The following EXOC1L variants were observed in gnomAD, a reference collection of about 807,000 sequenced individuals.
EXOC1L encodes the protein exocyst complex component 1 like.
A neutral mutation model predicts 4.9 loss-of-function variants in EXOC1L; 10 were observed. The observed-to-expected ratio is 2.02, with a 90% CI of 1.25 to 3.43. The LOEUF (loss-of-function observed/expected upper bound fraction) is 3.43, where lower values mean the gene tolerates loss of function less well. Among genes scored for constraint, EXOC1L ranks in the 30% most tolerant of loss-of-function variants. The pLI, the probability that EXOC1L is intolerant of heterozygous loss-of-function variation, is 0.00. For synonymous variants in EXOC1L, 41 were observed against 20.8 expected (o/e 1.97, Z -2.63); for missense variants, 114 against 59.4 (o/e 1.92, Z -3.02).
At chr4:55,834,789 T>C (rs921000957) in intron 2 of EXOC1L, among the ~76,000 whole-genome samples, 1 of 151,982 alleles carries the variant, frequency 6.6e-6, no homozygotes, top group Non-Finnish European at 1.5e-5. Flanking sequence ...TTTATACATT[T>C]TTTAAGTATG....
intron 1 of EXOC1L, among the ~76,000 whole-genome samples, chr4:55,826,262 A>C (rs1473496505): frequency 6.6e-6 from 1 of 152,144 alleles, no homozygotes; most frequent in Non-Finnish European, 1.5e-5. Flanking sequence ...AAATGATGAA[A>C]ACAATTGTAA....
intron 2 of EXOC1L, among the ~76,000 whole-genome samples, chr4:55,835,926 C>T (rs2110286687): frequency 6.6e-6 from 1 of 151,880 alleles, no homozygotes; most frequent in Admixed American, 6.6e-5. Context: ...TATTAAGCTC[C>T]ACGCTCGTTT....
chr4:55,823,351 G>T (rs537110791), intron 1 of EXOC1L, among the ~76,000 whole-genome samples: 6 of 152,238 alleles, frequency 3.9e-5, no homozygotes, highest in African/African-American at 1.4e-4. Context: ...TGCTACATTT[G>T]TGAATTCCCA....
At chr4:55,834,080 A>T (rs1019387396) in intron 2 of EXOC1L, among the ~76,000 whole-genome samples, 7 of 151,926 alleles carry the variant, frequency 4.6e-5, no homozygotes, top group African/African-American at 1.4e-4. Flanking sequence ...ACATGATTGC[A>T]TTTAATTTAC....
intron 1 of EXOC1L, among the ~76,000 whole-genome samples, chr4:55,831,003 G>T (rs796278886): frequency 6.6e-6 from 1 of 152,262 alleles, no homozygotes; most frequent in African/African-American, 2.4e-5. Flanking sequence ...GTATGCTAAG[G>T]CTAAGCCTCT....
chr4:55,830,494 G>A (rs1337018711), intron 1 of EXOC1L, among the ~76,000 whole-genome samples: 3 of 152,124 alleles, frequency 2.0e-5, no homozygotes, highest in African/African-American at 4.8e-5. Context: ...TATCATGCAA[G>A]TAGCAAATAC....
intron 1 of EXOC1L, among the ~76,000 whole-genome samples, chr4:55,827,928 C>T (rs1719925937): frequency 1.3e-5 from 2 of 152,286 alleles, no homozygotes; most frequent in Admixed American, 1.3e-4. Flanking sequence ...ACATCTACAC[C>T]AGTGGAGACG....
chr4:55,821,272 AG>A (rs1719729495), intron 1 of EXOC1L, among the ~76,000 whole-genome samples: 1 of 152,174 alleles, frequency 6.6e-6, no homozygotes, highest in South Asian at 2.1e-4. Context: ...ATGACTACAA[AG>A]TATAGAGGGT....
chr4:55,825,819 A>T (rs1244739835), intron 1 of EXOC1L, among the ~76,000 whole-genome samples: 3 of 152,096 alleles, frequency 2.0e-5, no homozygotes, highest in Admixed American at 2.0e-4. Flanking sequence ...GGTGGCTCAC[A>T]CTTCTAATCC....
chr4:55,836,984 C>G (rs1428316205), intron 2 of EXOC1L, 101 bp from the exon 3 acceptor site: 7 of 514,426 alleles, frequency 1.4e-5, no homozygotes, highest in Non-Finnish European at 2.4e-5. Context: ...GATACTGATA[C>G]TTTACAATCA....
At chr4:55,830,182 C>G (rs1297677239) in intron 1 of EXOC1L, among the ~76,000 whole-genome samples, 2 of 152,150 alleles carry the variant, frequency 1.3e-5, no homozygotes, top group Non-Finnish European at 2.9e-5. Flanking sequence ...TTATCTTTCA[C>G]TATGATTATA....
intron 1 of EXOC1L, among the ~76,000 whole-genome samples, chr4:55,829,087 C>T (rs1383714100): frequency 6.6e-6 from 1 of 152,164 alleles, no homozygotes; most frequent in African/African-American, 2.4e-5. Flanking sequence ...GTTTGGTTTT[C>T]ATCCAGTGTT....
intron 2 of EXOC1L, among the ~76,000 whole-genome samples, chr4:55,832,211 G>A (rs779783079): frequency 1.2e-4 from 18 of 151,882 alleles, no homozygotes; most frequent in Non-Finnish European, 2.4e-4. Flanking sequence ...CCCTCTAGAC[G>A]GAAAGCTCCT....
intron 1 of EXOC1L, among the ~76,000 whole-genome samples, chr4:55,821,127 C>T (rs1490303165): frequency 6.6e-6 from 1 of 152,046 alleles, no homozygotes; most frequent in African/African-American, 2.4e-5. Context: ...GGAGGGAGTG[C>T]TGTAAGGGAA....
chr4:55,831,326 T>C lies in EXOC1L; in HGVS notation c.122-8T>C, dbSNP rs1238704466. 2 of 638,874 alleles carry C rather than the reference T, an allele frequency of 3.1e-6. No individual in the cohort carries two copies. The highest frequency in any genetic ancestry group is 5.6e-6 in the Non-Finnish European group (2 of 358,580). The allele number at this position is 638,874 out of a possible 1,614,324, so 39.6% of individuals were successfully genotyped here. A position where few individuals can be genotyped will look rare whatever the true frequency, so the allele number is the denominator to read the frequency against. On this transcript the variant is annotated splice_polypyrimidine_tract_variant and splice_region_variant and intron_variant, in intron 1 of 2. Coordinates refer to ENST00000636125, the MANE Select transcript of EXOC1L (RefSeq NM_001351574.3). ...TTTATGTAAACTAAGTATTTTTCTG[T>C]CCTACAGTGACCAAAAAGGAAGAAG...
chr4:55,820,605 G>T (rs1274168390), intron 1 of EXOC1L, among the ~76,000 whole-genome samples: 1 of 152,152 alleles, frequency 6.6e-6, no homozygotes, highest in Admixed American at 6.5e-5. Context: ...AAAAAACAAA[G>T]CCTTAGATTT....
chr4:55,836,294 G>A lies in EXOC1L; in HGVS notation c.253-791G>A, dbSNP rs141912349. 6.5e-3 allele frequency among the ~76,000 whole-genome samples: 992 copies of A among 151,986 alleles called. 12 individuals carry two copies. Among genetic ancestry groups the A allele is most frequent in the Non-Finnish European group, 0.01 (691 of 67,812 alleles). Reference sequence around the variant, plus strand: ...TTGTTGAGAAATTAGTAGTCATCACGCATAAGTACTAAGAACATGATGATA... The same window carrying A: ...TTGTTGAGAAATTAGTAGTCATCACACATAAGTACTAAGAACATGATGATA... On this transcript the variant is annotated intron_variant, in intron 2 of 2. Coordinates refer to ENST00000636125, the MANE Select transcript of EXOC1L (RefSeq NM_001351574.3).
At chr4:55,821,645 T>C (rs1187742199) in intron 1 of EXOC1L, among the ~76,000 whole-genome samples, 1 of 152,114 alleles carries the variant, frequency 6.6e-6, no homozygotes, top group African/African-American at 2.4e-5. Flanking sequence ...ACTTGTTCTA[T>C]CTGACATGAA....
intron 1 of EXOC1L, among the ~76,000 whole-genome samples, chr4:55,825,176 A>G (rs1228831737): frequency 3.3e-5 from 5 of 152,198 alleles, no homozygotes; most frequent in Non-Finnish European, 7.3e-5. Flanking sequence ...CTTCACAACC[A>G]GCTTATGTGA....
Sources: allele counts gnomAD v4.1 joint callset (sites outside exome capture counted in the v4.1 genomes callset), GRCh38; gene constraint gnomAD v4.1.1; transcripts MANE v1.5; gene names NCBI Gene and HGNC (gene_info 2026-07-23, HGNC 2026-07-21).